The following CPEB3 variants were observed in gnomAD, a reference collection of about 807,000 sequenced individuals.
CPEB3 encodes cytoplasmic polyadenylation element binding protein 3.
CPEB3 carries 20 observed loss-of-function variants against 67.2 expected under a neutral mutation model. The ratio of observed to expected loss-of-function variants is 0.30; its 90% CI spans 0.21 to 0.43. The LOEUF is 0.43. Among genes scored for constraint, CPEB3 ranks in the 20% least tolerant of loss-of-function variants. The pLI, the probability that CPEB3 is intolerant of heterozygous loss-of-function variation, is 1.00. For missense variants in CPEB3, 746 were observed against 968.6 expected, an observed-to-expected ratio of 0.77 and a Z score of 3.05; for synonymous variants, 376 against 393.1, an observed-to-expected ratio of 0.96 and a Z score of 0.51.
chr10:92,089,018 A>T (rs1270911058), intron 8 of CPEB3, among the ~76,000 whole-genome samples: 1 of 152,228 alleles, frequency 6.6e-6, no homozygotes, highest in Non-Finnish European at 1.5e-5. Flanking sequence ...TTACCTCTTT[A>T]ACATGATAGT....
intron 1 of CPEB3, among the ~76,000 whole-genome samples, chr10:92,262,823 A>G (rs1363201485): frequency 1.3e-5 from 2 of 152,336 alleles, no homozygotes; most frequent in Non-Finnish European, 2.9e-5. Context: ...GCATTAAAGC[A>G]TCTTTTTTTT....
At chr10:92,070,034 A>G (rs1247949227) in intron 9 of CPEB3, among the ~76,000 whole-genome samples, 2 of 152,166 alleles carry the variant, frequency 1.3e-5, no homozygotes, top group Non-Finnish European at 2.9e-5. Flanking sequence ...ACACATTTGG[A>G]AAAAAAGGGA....
At chr10:92,178,202 G>C (rs1292930982) in intron 4 of CPEB3, among the ~76,000 whole-genome samples, 3 of 149,064 alleles carry the variant, frequency 2.0e-5, no homozygotes, top group Non-Finnish European at 4.4e-5. Flanking sequence ...TCTGTCACCC[G>C]GGCTGGAGTG....
intron 4 of CPEB3, among the ~76,000 whole-genome samples, chr10:92,166,613 T>G (rs889749452): frequency 6.6e-6 from 1 of 152,208 alleles, no homozygotes; most frequent in Non-Finnish European, 1.5e-5. Flanking sequence ...GGTTTTAAAA[T>G]ATTCAGTAAA....
chr10:92,121,966 G>A (rs1011069688), intron 6 of CPEB3, among the ~76,000 whole-genome samples: 1 of 152,268 alleles, frequency 6.6e-6, no homozygotes, highest in South Asian at 2.1e-4. Context: ...CAGGTCAGAG[G>A]ACTTATCTGG....
Position 92,216,654 on chromosome 10 carries a change from T to A in CPEB3, c.1005+22692A>T. 4 of 1,607,044 alleles carry A rather than the reference T, an allele frequency of 2.5e-6. No homozygotes were observed. The South Asian group carries it at 3.3e-5, about 13-fold the overall frequency. On this transcript the variant is annotated intron_variant, in intron 2 of 9. Transcript: ENST00000265997. The stretch of plus-strand genomic sequence containing the variant: ...GACCGAAATCTGCCCTATGTCTATA[T>A]CCCCTCTAAGACGGACCTGGGTGCA...
At chr10:92,125,356 G>T (rs899085101) in intron 6 of CPEB3, among the ~76,000 whole-genome samples, 1 of 152,192 alleles carries the variant, frequency 6.6e-6, no homozygotes, top group Non-Finnish European at 1.5e-5. Context: ...AGAGCCAGAT[G>T]GCCAAACTCA....
At chr10:92,093,305 T>C (rs1843700284) in intron 7 of CPEB3, among the ~76,000 whole-genome samples, 1 of 152,174 alleles carries the variant, frequency 6.6e-6, no homozygotes, top group African/African-American at 2.4e-5. Context: ...TTCATTTCCT[T>C]AGTATTAATG....
chr10:92,290,020 T>C (rs1054736186), intron 1 of CPEB3, among the ~76,000 whole-genome samples: 1 of 151,182 alleles, frequency 6.6e-6, no homozygotes, highest in Non-Finnish European at 1.5e-5. Flanking sequence ...TGTTGTTTTT[T>C]CCCAGCAATG....
At chr10:92,095,813 A>G (rs1843845617) in intron 7 of CPEB3, among the ~76,000 whole-genome samples, 3 of 151,824 alleles carry the variant, frequency 2.0e-5, no homozygotes, top group African/African-American at 7.3e-5. Context: ...CTCTCTATAT[A>G]CAAAACTGGT....
chr10:92,079,455 G>C (rs1218880024), intron 9 of CPEB3, among the ~76,000 whole-genome samples: 1 of 152,152 alleles, frequency 6.6e-6, no homozygotes, highest in African/African-American at 2.4e-5. Flanking sequence ...TGGTACCCAT[G>C]CTCAGATTGC....
chr10:92,152,730 G>A (rs1380851615), intron 4 of CPEB3, among the ~76,000 whole-genome samples: 2 of 152,080 alleles, frequency 1.3e-5, no homozygotes, highest in African/African-American at 4.8e-5. Flanking sequence ...CATCCTTTCA[G>A]TTTGTTTAAA....
rs1252660411 is a variant in CPEB3, at chr10:92,052,194, G to T, written c.*18C>A. The T allele has an allele frequency of 6.3e-7, 1 of 1,583,626 alleles. No individual in the cohort carries two copies. Among genetic ancestry groups the T allele is most frequent in the Middle Eastern group, 1.8e-4 (1 of 5,416 alleles). Reference sequence around the variant, plus strand: ...CTTGTTATCTACTCCAGTACTTGTGGCTGGGTCGGCCCGTGGCTCAGCTCC... The same window carrying T: ...CTTGTTATCTACTCCAGTACTTGTGTCTGGGTCGGCCCGTGGCTCAGCTCC... On this transcript the variant is annotated 3_prime_UTR_variant, in exon 10 of 10. Coordinates refer to ENST00000265997, the MANE Select transcript of CPEB3 (RefSeq NM_014912.5).
chr10:92,056,262 G>A (rs1037064528), intron 9 of CPEB3, among the ~76,000 whole-genome samples: 9 of 152,092 alleles, frequency 5.9e-5, no homozygotes, highest in East Asian at 1.9e-4. Context: ...TAGCTACTAC[G>A]ACCTCTCAAA....
chr10:92,181,855 T>G (rs1416904643), intron 3 of CPEB3, among the ~76,000 whole-genome samples: 1 of 152,238 alleles, frequency 6.6e-6, no homozygotes, highest in Non-Finnish European at 1.5e-5. Flanking sequence ...CTATAAGATG[T>G]TAAGTCAGAA....
At chr10:92,101,595 C>T (rs1844191136) in intron 7 of CPEB3, among the ~76,000 whole-genome samples, 1 of 152,006 alleles carries the variant, frequency 6.6e-6, no homozygotes, top group Non-Finnish European at 1.5e-5. Flanking sequence ...ACTGGATTGC[C>T]CCAGCAATAT....
intron 8 of CPEB3, among the ~76,000 whole-genome samples, chr10:92,082,111 T>C (rs1483881174): frequency 6.6e-6 from 1 of 152,210 alleles, no homozygotes; most frequent in East Asian, 1.9e-4. Flanking sequence ...ATACTAGTAA[T>C]GATAATAGCC....
chr10:92,092,569 C>T (rs1415712065), intron 7 of CPEB3, among the ~76,000 whole-genome samples: 2 of 152,250 alleles, frequency 1.3e-5, no homozygotes, highest in East Asian at 3.9e-4. Flanking sequence ...CCCTTAAGGT[C>T]AGGAGTTCGA....
intron 6 of CPEB3, among the ~76,000 whole-genome samples, chr10:92,113,232 AG>A (rs1311985765): frequency 7.9e-5 from 12 of 152,244 alleles, no homozygotes; most frequent in Admixed American, 7.8e-4. Context: ...ATGGCTAGTC[AG>A]GAAAAATAAA....
Sources: allele counts gnomAD v4.1 joint callset (sites outside exome capture counted in the v4.1 genomes callset), GRCh38; gene constraint gnomAD v4.1.1; transcripts MANE v1.5; gene names NCBI Gene and HGNC (gene_info 2026-07-23, HGNC 2026-07-21).